The following IFT43 variants were observed in gnomAD, a reference collection of about 807,000 sequenced individuals.
The protein encoded by IFT43 is intraflagellar transport 43.
A neutral mutation model predicts 32.3 loss-of-function variants in IFT43; 33 were observed. That is an observed-to-expected ratio of 1.02 (90% CI 0.77 to 1.37). The LOEUF (loss-of-function observed/expected upper bound fraction) is 1.37, where lower values mean the gene tolerates loss of function less well. Among genes scored for constraint, IFT43 ranks in the 40% most tolerant of loss-of-function variants. The pLI is 0.00. For missense variants in IFT43, 274 were observed against 265.9 expected (o/e 1.03, Z -0.21); for synonymous variants, 93 against 98.2 (o/e 0.95, Z 0.31).
chr14:76,006,572 T>C (rs757825127), intron 2 of IFT43, among the ~76,000 whole-genome samples: 38 of 152,222 alleles, frequency 2.5e-4, no homozygotes, highest in Non-Finnish European at 4.4e-4. Context: ...AGTAAGTTTT[T>C]TGTAAGCTAA....
At chr14:76,010,942 G>T (rs1157428846) in intron 2 of IFT43, among the ~76,000 whole-genome samples, 1 of 147,382 alleles carries the variant, frequency 6.8e-6, no homozygotes, top group Non-Finnish European at 1.5e-5. Context: ...TCACTCTGTT[G>T]CCCAGGCTGG....
intron 2 of IFT43, among the ~76,000 whole-genome samples, chr14:75,999,227 T>TTATATATATA (rs1162371057): frequency 3.1e-5 from 3 of 96,100 alleles, no homozygotes; most frequent in Non-Finnish European, 3.8e-5. Context: ...TAAATTCATT[T>TTATATATATA]TATATATATA....
At chr14:76,030,485 A>G (rs936385033) in intron 3 of IFT43, among the ~76,000 whole-genome samples, 5 of 152,204 alleles carry the variant, frequency 3.3e-5, no homozygotes, top group African/African-American at 1.2e-4. Flanking sequence ...CTATATACAC[A>G]CTGCCCATTG....
chr14:76,073,983 G>A (rs1179487630), intron 5 of IFT43, among the ~76,000 whole-genome samples: 1 of 152,196 alleles, frequency 6.6e-6, no homozygotes, highest in Non-Finnish European at 1.5e-5. Flanking sequence ...CAGTGGCCTT[G>A]TGCAGAGGGA....
chr14:76,065,034 G>C (rs1304332884), intron 5 of IFT43, among the ~76,000 whole-genome samples: 1 of 152,212 alleles, frequency 6.6e-6, no homozygotes, highest in Admixed American at 6.5e-5. Context: ...TTAGAAAGTT[G>C]TACTGGCCAC....
At chr14:75,985,971 A>T in intron 1 of IFT43, 131 bp downstream of exon 1, 1 of 1,531,420 alleles carries the variant, frequency 6.5e-7, no homozygotes, top group Non-Finnish European at 8.8e-7. Context: ...GCCCAGAAGG[A>T]GGCAGCCTCA....
At position 76,083,589 on chromosome 14, in the gene IFT43, A is replaced by C. The variant is rs750240149; in HGVS notation, c.*12A>C. 6.2e-7 allele frequency: 1 copy of C among 1,613,646 alleles called. No individual in the cohort carries two copies. The highest frequency in any genetic ancestry group is 1.7e-5 in the Admixed American group (1 of 60,028). Reference sequence around the variant, plus strand: ...CCAGGCACACCTGAGCCCGTCACCCATGCTCTAGACATGAAGAAATGCAAT... The same window carrying C: ...CCAGGCACACCTGAGCCCGTCACCCCTGCTCTAGACATGAAGAAATGCAAT... On this transcript the variant is annotated 3_prime_UTR_variant, in exon 9 of 9. Transcript: ENST00000314067.
chr14:76,070,816 C>T (rs1366588829), intron 5 of IFT43, among the ~76,000 whole-genome samples: 1 of 152,036 alleles, frequency 6.6e-6, no homozygotes, highest in African/African-American at 2.4e-5. Context: ...TGTGCCTGCT[C>T]CCCCTTCACT....
At chr14:76,048,144 G>A (rs1383700341) in intron 3 of IFT43, among the ~76,000 whole-genome samples, 1 of 152,108 alleles carries the variant, frequency 6.6e-6, no homozygotes, top group Non-Finnish European at 1.5e-5. Context: ...CTCAAACCTT[G>A]AGCGCTGCAC....
intron 3 of IFT43, among the ~76,000 whole-genome samples, chr14:76,055,142 A>G (rs1251473770): frequency 6.6e-6 from 1 of 152,150 alleles, no homozygotes; most frequent in Admixed American, 6.5e-5. Context: ...TCAGGAGTTT[A>G]AGAACAGCCT....
At chr14:76,019,823 C>T (rs1344538691) in intron 2 of IFT43, among the ~76,000 whole-genome samples, 1 of 151,990 alleles carries the variant, frequency 6.6e-6, no homozygotes. Context: ...TTTTCTCCTG[C>T]TTGATCTAGT....
In IFT43 at chr14:76,071,282, G is replaced by A. The variant is rs529929405; in HGVS notation, c.296-11013G>A. Among the ~76,000 whole-genome samples, 6 of 152,254 alleles carry A rather than the reference G, an allele frequency of 3.9e-5. No individual in the cohort carries two copies. The East Asian group carries it at 1.2e-3, about 29-fold the overall frequency. ...ATCATTCTTGTAGGAAATAATATTGGTAATTAATATTTGTGTTTACCGTGA... is the reference window on the plus strand; with the variant it reads ...ATCATTCTTGTAGGAAATAATATTGATAATTAATATTTGTGTTTACCGTGA... On this transcript the variant is annotated intron_variant, in intron 5 of 8. Transcript: ENST00000314067.
At chr14:76,069,087 A>G (rs567277077) in intron 5 of IFT43, among the ~76,000 whole-genome samples, 12 of 152,202 alleles carry the variant, frequency 7.9e-5, no homozygotes, top group Non-Finnish European at 1.5e-4. Flanking sequence ...ATGGTTCTGC[A>G]GGCTGTGCAG....
intron 2 of IFT43, among the ~76,000 whole-genome samples, chr14:76,009,702 C>T (rs978034812): frequency 6.6e-6 from 1 of 152,116 alleles, no homozygotes; most frequent in Admixed American, 6.5e-5. Flanking sequence ...TGGGAGGAAT[C>T]AATTCTAGCA....
chr14:76,021,878 G>T (rs997762153), intron 2 of IFT43, among the ~76,000 whole-genome samples: 4 of 152,218 alleles, frequency 2.6e-5, no homozygotes, highest in African/African-American at 7.2e-5. Flanking sequence ...AATTACAAAG[G>T]TTACTGTATT....
intron 5 of IFT43, among the ~76,000 whole-genome samples, chr14:76,068,555 A>G (rs1248188743): frequency 6.6e-6 from 1 of 152,206 alleles, no homozygotes; most frequent in African/African-American, 2.4e-5. Context: ...CCAGAACCCC[A>G]AATGACCTCA....
chr14:76,012,367 T>TG (rs949391967), intron 2 of IFT43, among the ~76,000 whole-genome samples: 12 of 152,216 alleles, frequency 7.9e-5, no homozygotes, highest in African/African-American at 2.9e-4. Context: ...CCCTCTGACA[T>TG]GGTAATTCCA....
chr14:76,002,589 G>A (rs1336291734), intron 2 of IFT43, among the ~76,000 whole-genome samples: 1 of 152,244 alleles, frequency 6.6e-6, no homozygotes, highest in Non-Finnish European at 1.5e-5. Context: ...AACTGTTCAT[G>A]TGAACACTAA....
intron 2 of IFT43, among the ~76,000 whole-genome samples, chr14:75,992,061 A>T (rs1185299288): frequency 2.0e-5 from 3 of 152,224 alleles, no homozygotes; most frequent in Non-Finnish European, 4.4e-5. Context: ...TAAATATGGT[A>T]CCTGGGAGCT....
Sources: gnomAD v4.1 joint callset for allele counts (sites outside exome capture counted in the v4.1 genomes callset) on GRCh38, gnomAD v4.1.1 for gene constraint, MANE v1.5 for transcripts, NCBI Gene and HGNC (gene_info 2026-07-23, HGNC 2026-07-21) for gene names.